The following GNAL variants were observed in gnomAD, a reference collection of about 807,000 sequenced individuals.
GNAL encodes guanine nucleotide-binding protein G(olf) subunit alpha.
A neutral mutation model predicts 55.1 loss-of-function variants in GNAL; 18 were observed. The observed-to-expected ratio is 0.33, with a 90% CI of 0.23 to 0.48. The LOEUF is 0.48. Ranked by LOEUF, GNAL falls within the 20% of genes least tolerant of loss-of-function variation. The pLI is 0.99. For missense variants in GNAL, 412 were observed against 614.1 expected, an observed-to-expected ratio of 0.67 and a Z score of 3.48; for synonymous variants, 253 against 237.0, an observed-to-expected ratio of 1.07 and a Z score of -0.62.
chr18:11,765,765 T>C (rs1195228503), intron 4 of GNAL, among the ~76,000 whole-genome samples: 4 of 152,228 alleles, frequency 2.6e-5, no homozygotes, highest in Non-Finnish European at 5.9e-5. Context: ...CTGAATAATA[T>C]TCCATTGTGT....
intron 5 of GNAL, among the ~76,000 whole-genome samples, chr18:11,839,599 A>C (rs2035570262): frequency 6.6e-6 from 1 of 151,780 alleles, no homozygotes; most frequent in Admixed American, 6.6e-5. Flanking sequence ...AGATAGACGT[A>C]AGCATAATAT....
Position 11,876,431 on chromosome 18 carries a change from C to CCAGCCTGGGCAAGAGA in GNAL, c.1163-189_1163-174dup, listed in dbSNP as rs142274868. Among the ~76,000 whole-genome samples, 16,025 of 152,034 alleles carry CCAGCCTGGGCAAGAGA rather than the reference C, an allele frequency of 0.11. 1,079 individuals carry two copies. Among genetic ancestry groups the CCAGCCTGGGCAAGAGA allele is most frequent in the African/African-American group, 0.19 (7,896 of 41,402 alleles). The stretch of plus-strand genomic sequence containing the variant: ...TGAGCCGAGATCATGCCACTGCACT[C>CCAGCCTGGGCAAGAGA]CAGCCTGGGCAAGAGAGTGAGACTC... On this transcript the variant is annotated intron_variant, in intron 10 of 11. Coordinates refer to ENST00000334049, the MANE Select transcript of GNAL (RefSeq NM_182978.4).
In GNAL at chr18:11,876,682, G is replaced by T. The variant is rs764217925; in HGVS notation, c.1224G>T (p.Leu408=). 1 of 1,594,066 alleles carries T rather than the reference G, an allele frequency of 6.3e-7. No homozygotes were observed. The highest frequency in any genetic ancestry group is 1.1e-5 in the South Asian group (1 of 90,696). The part of the protein sequence containing the change: ...VTRAKFFIRD[L]FLRISTATGD... ...GAGCCAAGTTCTTTATCCGGGACCT[G>T]TTTTTGGTAAGCAATTTTGTTAACC... Residue 408 remains leucine (L), a synonymous_variant, in exon 11 of 12, where the codon CTG becomes CTT. Coordinates refer to ENST00000334049, the MANE Select transcript of GNAL (RefSeq NM_182978.4).
intron 5 of GNAL, among the ~76,000 whole-genome samples, chr18:11,858,437 A>G (rs1173743058): frequency 6.6e-6 from 1 of 152,226 alleles, no homozygotes; most frequent in African/African-American, 2.4e-5. Flanking sequence ...ATGCAGTGGC[A>G]TATTTAAGGA....
chr18:11,730,095 G>A lies in GNAL; in HGVS notation c.377-22758G>A, dbSNP rs141923503. 3.0e-3 allele frequency among the ~76,000 whole-genome samples: 456 copies of A among 150,914 alleles called. 4 individuals carry two copies. The highest frequency in any genetic ancestry group is 0.011 in the African/African-American group (432 of 40,980). ...TTCGCCCAGGCCGAACTGCAGTGGC[G>A]CTATCTCGGCTCACTGCAAGCTCTG... On this transcript the variant is annotated intron_variant, in intron 1 of 11. Coordinates refer to ENST00000334049, the MANE Select transcript of GNAL (RefSeq NM_182978.4).
chr18:11,734,188 G>A (rs1387512970), intron 1 of GNAL, among the ~76,000 whole-genome samples: 2 of 146,892 alleles, frequency 1.4e-5, no homozygotes, highest in African/African-American at 5.1e-5. Flanking sequence ...TCTGTCACCA[G>A]ACTGGAGTGC....
rs1341833434 is a variant in GNAL, at chr18:11,865,238, G to A, written c.851+632G>A. On this transcript the variant is annotated intron_variant, in intron 7 of 11. Coordinates refer to ENST00000334049, the MANE Select transcript of GNAL (RefSeq NM_182978.4). The stretch of plus-strand genomic sequence containing the variant: ...CTGTTCCTCTGCTGAAGAAGGTTCG[G>A]GGCTCACTACTGCTTGTGCACCGTA... Among the ~76,000 whole-genome samples, 9 of 25,964 alleles carry A rather than the reference G, an allele frequency of 3.5e-4. 1 individual carries two copies. The Admixed American group carries it at 3.9e-3, about 11-fold the overall frequency. 17.0% of individuals were successfully genotyped at this position (25,964 alleles called of 152,430 possible).
At chr18:11,740,424 C>T (rs530115322) in intron 1 of GNAL, among the ~76,000 whole-genome samples, 4 of 152,262 alleles carry the variant, frequency 2.6e-5, no homozygotes, top group African/African-American at 4.8e-5. Flanking sequence ...AGAGTCTTCA[C>T]TTCTTGGCAT....
chr18:11,796,616 T>C (rs2034396400), intron 4 of GNAL, among the ~76,000 whole-genome samples: 1 of 147,636 alleles, frequency 6.8e-6, no homozygotes, highest in South Asian at 2.2e-4. Flanking sequence ...AACCTTTCCA[T>C]TGTCCCATCC....
chr18:11,844,402 C>T (rs1486643196), intron 5 of GNAL, among the ~76,000 whole-genome samples: 1 of 152,168 alleles, frequency 6.6e-6, no homozygotes, highest in Non-Finnish European at 1.5e-5. Flanking sequence ...CCACTGCACT[C>T]CAACCTGGGT....
chr18:11,798,007 T>A (rs1346317492), intron 4 of GNAL, among the ~76,000 whole-genome samples: 1 of 152,280 alleles, frequency 6.6e-6, no homozygotes, highest in Non-Finnish European at 1.5e-5. Context: ...TAGGTTTCCT[T>A]CAACAACATA....
At chr18:11,857,782 C>T in intron 5 of GNAL, 1 of 970,682 alleles carries the variant, frequency 1.0e-6, no homozygotes, top group Non-Finnish European at 1.2e-6. Flanking sequence ...TACTTTGTCA[C>T]CACGTGAGTA....
chr18:11,851,368 G>T (rs2035858590), intron 5 of GNAL: 2 of 1,104,432 alleles, frequency 1.8e-6, no homozygotes, highest in Non-Finnish European at 2.5e-6. Flanking sequence ...GCTGGGCTCT[G>T]ACGTCACCAC....
chr18:11,880,311 A>G (rs112430650), intron 11 of GNAL, among the ~76,000 whole-genome samples: 16,525 of 145,918 alleles, frequency 0.11, 1,147 homozygotes, highest in African/African-American at 0.19. Context: ...GCTCATGCCT[A>G]TAATCCCAGC....
At chr18:11,863,198 TAGC>T (rs1340724377) in intron 6 of GNAL, among the ~76,000 whole-genome samples, 1 of 152,106 alleles carries the variant, frequency 6.6e-6, no homozygotes, top group Non-Finnish European at 1.5e-5. Flanking sequence ...AATTCTTAAA[TAGC>T]AGAGAGGGAA....
chr18:11,844,435 A>AAAAT (rs1159867422), intron 5 of GNAL, among the ~76,000 whole-genome samples: 1 of 152,166 alleles, frequency 6.6e-6, no homozygotes, highest in East Asian at 1.9e-4. Context: ...ACTCTATCTC[A>AAAAT]AAATAAATAA....
rs1320500651 is a variant in GNAL, at chr18:11,752,119, A to C, written c.377-734A>C. ...GCGCTGCGCCACCTCGGCTGTCTCC[A>C]GCGGAGACCGGCGCCCTCGCCCCCC... On this transcript the variant is annotated intron_variant, in intron 1 of 11. Transcript: ENST00000334049. This position sits in a 1 kb window ranked among gnomAD's most constrained non-coding sequence, Gnocchi z 4.5. The C allele has an allele frequency of 5.1e-6, 1 of 196,866 alleles. No homozygotes were observed. 12.2% of individuals were successfully genotyped at this position (196,866 alleles called of 1,614,324 possible).
Position 11,752,814 on chromosome 18 carries a change from C to A in GNAL, c.377-39C>A. ...TAGTGGTGAGAGATGGCAGCGATAT[C>A]CGGACACAGATCACAGCGTTCTTTC... On this transcript the variant is annotated intron_variant, in intron 1 of 11. Transcript: ENST00000334049. This position sits in a 1 kb window ranked among gnomAD's most constrained non-coding sequence, Gnocchi z 4.5. The A allele has an allele frequency of 1.4e-6, 2 of 1,434,594 alleles. No individual in the cohort carries two copies. The highest frequency in any genetic ancestry group is 2.0e-6 in the Non-Finnish European group (2 of 1,016,656). The allele number at this position is 1,434,594 out of a possible 1,614,324, so 88.9% of individuals were successfully genotyped here. A position where few individuals can be genotyped will look rare whatever the true frequency, so the allele number is the denominator to read the frequency against.
At chr18:11,738,863 G>A (rs181177388) in intron 1 of GNAL, among the ~76,000 whole-genome samples, 191 of 152,300 alleles carry the variant, frequency 1.3e-3, no homozygotes, top group African/African-American at 4.4e-3. Flanking sequence ...GGATGAGGAG[G>A]ATGTGCAGGT....
Sources: allele counts gnomAD v4.1 joint callset (sites outside exome capture counted in the v4.1 genomes callset), GRCh38; gene constraint gnomAD v4.1.1; non-coding constraint Gnocchi (gnomAD v3.1); transcripts MANE v1.5; gene names NCBI Gene and HGNC (gene_info 2026-07-23, HGNC 2026-07-21).